Variants in GALNT13 observed in about 807,000 individuals in gnomAD.
The protein encoded by GALNT13 is UDP-GalNAc:polypeptide N-acetylgalactosaminyltransferase 13.
Under a neutral mutation model 64.2 loss-of-function variants are expected in GALNT13, and 28 were observed. The ratio of observed to expected loss-of-function variants is 0.44; its 90% CI spans 0.32 to 0.60. The LOEUF (loss-of-function observed/expected upper bound fraction) is 0.60, where lower values mean the gene tolerates loss of function less well. Ranked by LOEUF, GALNT13 falls within the 20% of genes least tolerant of loss-of-function variation. GALNT13 has a pLI of 0.05. For missense variants in GALNT13, 577 were observed against 669.8 expected, an observed-to-expected ratio of 0.86 and a Z score of 1.53; for synonymous variants, 214 against 224.6, an observed-to-expected ratio of 0.95 and a Z score of 0.42.
the GALNT13 span, among the ~76,000 whole-genome samples, chr2:153,605,724 C>A: frequency 1.1e-4 from 16 of 152,100 alleles, no homozygotes; most frequent in Non-Finnish European, 2.2e-4. Flanking sequence ...CTTCTTTCCA[C>A]ACATGTAAGC....
the GALNT13 span, among the ~76,000 whole-genome samples, chr2:153,315,577 A>T: frequency 6.6e-6 from 1 of 152,370 alleles, no homozygotes; most frequent in South Asian, 2.1e-4. Context: ...TAACTAGGCA[A>T]ATTTATAAAT....
the GALNT13 span, among the ~76,000 whole-genome samples, chr2:153,547,441 G>C: frequency 2.0e-5 from 3 of 152,072 alleles, no homozygotes; most frequent in Non-Finnish European, 4.4e-5. Flanking sequence ...TCATACTACA[G>C]GTAAAATCCA....
At chr2:153,468,592 A>G in the GALNT13 span, among the ~76,000 whole-genome samples, 3 of 152,062 alleles carry the variant, frequency 2.0e-5, no homozygotes, top group Non-Finnish European at 4.4e-5. Context: ...TTGGTTCTTT[A>G]TGTATTGTTA....
intron 9 of GALNT13, among the ~76,000 whole-genome samples, chr2:154,319,478 C>CAACG (rs904144720): frequency 1.3e-5 from 2 of 151,940 alleles, no homozygotes; most frequent in African/African-American, 4.8e-5. Context: ...CCAGCCTGGG[C>CAACG]AACGTGGTGA....
chr2:153,359,104 A>G, the GALNT13 span, among the ~76,000 whole-genome samples: 4 of 152,238 alleles, frequency 2.6e-5, no homozygotes, highest in African/African-American at 9.6e-5. Flanking sequence ...ATTCCATTAT[A>G]TGAAAAAACA....
the GALNT13 span, among the ~76,000 whole-genome samples, chr2:153,426,594 ACT>A: frequency 6.6e-6 from 1 of 152,008 alleles, no homozygotes; most frequent in Non-Finnish European, 1.5e-5. Flanking sequence ...ATGTGCATAT[ACT>A]CTGTGCTACA....
At chr2:153,616,795 T>G in the GALNT13 span, among the ~76,000 whole-genome samples, 58 of 152,212 alleles carry the variant, frequency 3.8e-4, no homozygotes, top group African/African-American at 1.3e-3. Context: ...ATGAATGAAT[T>G]TGTTTATCAG....
chr2:153,452,506 TA>T, the GALNT13 span, among the ~76,000 whole-genome samples: 1 of 151,854 alleles, frequency 6.6e-6, no homozygotes, highest in Non-Finnish European at 1.5e-5. Context: ...ATGAGTATCA[TA>T]TGAATTTAGT....
At chr2:154,298,575 T>A (rs1443147720) in intron 8 of GALNT13, among the ~76,000 whole-genome samples, 1 of 45,418 alleles carries the variant, frequency 2.2e-5, no homozygotes, top group East Asian at 5.6e-4. Context: ...TATATATAAA[T>A]TGTATATATA....
the GALNT13 span, among the ~76,000 whole-genome samples, chr2:153,461,441 T>C: frequency 2.0e-5 from 3 of 151,986 alleles, no homozygotes; most frequent in African/African-American, 7.2e-5. Context: ...CCATCCTGGG[T>C]CAAAGCCAGA....
intron 11 of GALNT13, among the ~76,000 whole-genome samples, chr2:154,429,108 A>G (rs1418048621): frequency 6.6e-6 from 1 of 152,154 alleles, no homozygotes. Context: ...AAACACAACA[A>G]TATTGAAGTT....
At chr2:153,528,132 G>A in the GALNT13 span, among the ~76,000 whole-genome samples, 2 of 151,400 alleles carry the variant, frequency 1.3e-5, no homozygotes, top group African/African-American at 4.8e-5. Flanking sequence ...GATATAGAAT[G>A]GTTGACTTCA....
chr2:154,280,401 G>A (rs1691899236), intron 8 of GALNT13, among the ~76,000 whole-genome samples: 1 of 152,058 alleles, frequency 6.6e-6, no homozygotes, highest in South Asian at 2.1e-4. Flanking sequence ...CTGAATATAT[G>A]CCAGCCAGGA....
the GALNT13 span, among the ~76,000 whole-genome samples, chr2:153,778,401 C>T: frequency 3.9e-5 from 6 of 152,174 alleles, no homozygotes; most frequent in Non-Finnish European, 7.3e-5. Flanking sequence ...TCAGGGACCA[C>T]GCCCTCCTCT....
the GALNT13 span, among the ~76,000 whole-genome samples, chr2:153,330,428 ATC>A: frequency 6.6e-6 from 1 of 151,966 alleles, no homozygotes; most frequent in Non-Finnish European, 1.5e-5. Flanking sequence ...TGTTTGTGTC[ATC>A]TCTGATTTCT....
chr2:153,939,258 G>A (rs1691170363), intron 2 of GALNT13, among the ~76,000 whole-genome samples: 1 of 152,088 alleles, frequency 6.6e-6, no homozygotes, highest in Non-Finnish European at 1.5e-5. Context: ...CCTATGACTG[G>A]GCAGAGAAAG....
intron 4 of GALNT13, among the ~76,000 whole-genome samples, chr2:154,159,286 C>T (rs998754552): frequency 3.3e-5 from 5 of 152,132 alleles, no homozygotes; most frequent in African/African-American, 1.2e-4. Context: ...AGGCACATGC[C>T]ACCATGCCAG....
chr2:153,432,981 C>T, the GALNT13 span, among the ~76,000 whole-genome samples: 5 of 152,034 alleles, frequency 3.3e-5, no homozygotes, highest in African/African-American at 4.8e-5. Context: ...ACACATAACA[C>T]GCACTCATGC....
rs540545010 is a variant in GALNT13, at chr2:154,021,518, A to C, written c.142+76879A>C. 4.8e-3 allele frequency among the ~76,000 whole-genome samples: 725 copies of C among 152,282 alleles called. 9 individuals are homozygous for C. Among genetic ancestry groups the C allele is most frequent in the African/African-American group, 0.016 (663 of 41,538 alleles). On this transcript the variant is annotated intron_variant, in intron 3 of 12. Transcript: ENST00000392825. ...CTCTCTGTTTGTCTGTTATTGGTGT[A>C]TAAGAATGCTTGTGATTTTTGTATA...
Sources: gnomAD v4.1 joint callset for allele counts (sites outside exome capture counted in the v4.1 genomes callset) on GRCh38, gnomAD v4.1.1 for gene constraint, MANE v1.5 for transcripts, NCBI Gene and HGNC (gene_info 2026-07-23, HGNC 2026-07-21) for gene names.